STAB2: variants seen among roughly 807,000 people sequenced by gnomAD.
STAB2 encodes the protein stabilin-2.
STAB2 carries 288 observed loss-of-function variants against 338.1 expected under a neutral mutation model. The ratio of observed to expected loss-of-function variants is 0.85; its 90% CI spans 0.77 to 0.94. The LOEUF (loss-of-function observed/expected upper bound fraction) is 0.94. Among genes scored for constraint, STAB2 ranks in the 40% least tolerant of loss-of-function variants. The pLI, the probability that STAB2 is intolerant of heterozygous loss-of-function variation, is 0.00. For missense variants in STAB2, 3,141 were observed against 3,210.1 expected (o/e 0.98, Z 0.52); for synonymous variants, 1,202 against 1,193.3 (o/e 1.01, Z -0.15).
chr12:103,703,020 CTAT>C, intron 34 of STAB2, 125 bp from the exon 35 acceptor site: 1 of 1,089,296 alleles, frequency 9.2e-7, no homozygotes, highest in South Asian at 1.8e-5. Context: ...ATACAAGTGA[CTAT>C]TATATCTCCA....
chr12:103,746,494 T>G, intron 57 of STAB2, 103 bp from the exon 58 acceptor site: 1 of 1,057,854 alleles, frequency 9.5e-7, no homozygotes, highest in Admixed American at 1.7e-5. Flanking sequence ...GGGGCACTTA[T>G]GAACACAGTG....
Position 103,740,777 on chromosome 12 carries a change from C to G in STAB2, c.5881+21C>G, listed in dbSNP as rs751590225. On this transcript the variant is annotated intron_variant, in intron 55 of 68. Transcript: ENST00000388887. The stretch of plus-strand genomic sequence containing the variant: ...TCAGGGTGAGGGTGCCTCTTCCCCC[C>G]TCGCAACTCTAAAAGTGGTAATATG... 8 of 1,553,334 alleles carry G rather than the reference C, an allele frequency of 5.2e-6. No individual in the cohort carries two copies. The Admixed American group carries it at 1.1e-4, about 22-fold the overall frequency.
chr12:103,611,513 C>T (rs1228260821), intron 3 of STAB2, among the ~76,000 whole-genome samples: 2 of 152,064 alleles, frequency 1.3e-5, no homozygotes, highest in Non-Finnish European at 2.9e-5. Context: ...ATTGCAACCC[C>T]TGCCTTTTTT....
chr12:103,702,412 C>G (rs910741337), intron 34 of STAB2, among the ~76,000 whole-genome samples: 1 of 152,022 alleles, frequency 6.6e-6, no homozygotes, highest in African/African-American at 2.4e-5. Flanking sequence ...CGTTCTCCTG[C>G]CTCAGCCTCC....
chr12:103,711,491 A>G lies in STAB2; in HGVS notation c.4309A>G (p.Asn1437Asp). 6.2e-7 allele frequency: 1 copy of G among 1,614,140 alleles called. No individual in the cohort carries two copies. The highest frequency in any genetic ancestry group is 8.5e-7 in the Non-Finnish European group (1 of 1,180,028). ...CDNATTEDNC[N>D]GTCHTSANCL... is the part of the protein sequence containing the mutation. Reference sequence around the variant, plus strand: ...TTCAGCAACCACAGAAGACAACTGCAATGGGACATGCCATACCAGCGCCAA... The same window carrying G: ...TTCAGCAACCACAGAAGACAACTGCGATGGGACATGCCATACCAGCGCCAA... The change falls in exon 40 of 69, where the codon AAT (asparagine) becomes GAT (aspartate). Residue 1437 changes from asparagine (N) to aspartate (D), a missense_variant. Coordinates refer to ENST00000388887, the MANE Select transcript of STAB2 (RefSeq NM_017564.10).
At chr12:103,699,249 C>G in intron 34 of STAB2, 22 bp downstream of exon 34, 1 of 1,578,816 alleles carries the variant, frequency 6.3e-7, no homozygotes, top group Non-Finnish European at 8.6e-7. Flanking sequence ...TTATGTAAAA[C>G]CCCAGCAATG....
intron 56 of STAB2, among the ~76,000 whole-genome samples, chr12:103,743,657 A>G (rs1390318925): frequency 6.6e-6 from 1 of 152,154 alleles, no homozygotes; most frequent in Non-Finnish European, 1.5e-5. Flanking sequence ...GAGCACCCAA[A>G]ACGTGTGGCT....
rs771747879 is a variant in STAB2 at position 103,742,483 on chromosome 12, A to T, written c.5960A>T (p.Lys1987Ile). ...CAGTACTCGGCCACCGGAGAGTGTA[A>T]ATGCAACACCGGCTTCAATGGGACG... ...LDQYSATGECKCNTGFNGTAC... is the reference protein window; with the variant it reads ...LDQYSATGECICNTGFNGTAC... The change falls in exon 56 of 69, where the codon AAA becomes ATA. Residue 1987 changes from lysine (K) to isoleucine (I), a missense_variant. Physicochemically the swap from Lys to Ile is moderately radical, Grantham distance 102 (BLOSUM62 -3). Transcript: ENST00000388887. 1 of 1,614,016 alleles carries T rather than the reference A, an allele frequency of 6.2e-7. No individual in the cohort carries two copies. Among genetic ancestry groups the T allele is most frequent in the Non-Finnish European group, 8.5e-7 (1 of 1,180,024 alleles).
intron 9 of STAB2, among the ~76,000 whole-genome samples, chr12:103,641,483 A>G (rs933457923): frequency 6.6e-6 from 1 of 152,214 alleles, no homozygotes; most frequent in African/African-American, 2.4e-5. Flanking sequence ...GAAATCCTTC[A>G]ATACATGTGA....
At chr12:103,670,001 C>T (rs1875595267) in intron 21 of STAB2, among the ~76,000 whole-genome samples, 1 of 152,172 alleles carries the variant, frequency 6.6e-6, no homozygotes, top group Non-Finnish European at 1.5e-5. Context: ...CTCCTGATTG[C>T]TTTTTTGAAC....
At chr12:103,690,850 C>T (rs369949577) in intron 30 of STAB2, among the ~76,000 whole-genome samples, 5 of 152,056 alleles carry the variant, frequency 3.3e-5, no homozygotes, top group Admixed American at 6.5e-5. Flanking sequence ...TTTCTTTTGA[C>T]GTATAGTTGA....
chr12:103,592,228 C>G (rs1956810088), intron 2 of STAB2: 1 of 151,588 alleles, frequency 6.6e-6, no homozygotes, highest in African/African-American at 2.4e-5. Flanking sequence ...CTTGTAACAC[C>G]TTGATTGCTT....
rs552223933 is a variant in STAB2, at chr12:103,707,360, G to A, written c.4192+373G>A. Among the ~76,000 whole-genome samples the A allele has an allele frequency of 5.9e-5, 9 of 152,320 alleles. No homozygotes were observed. The East Asian group carries it at 1.3e-3, about 23-fold the overall frequency. On this transcript the variant is annotated intron_variant, in intron 38 of 68. Coordinates refer to ENST00000388887, the MANE Select transcript of STAB2 (RefSeq NM_017564.10). ...CATGTTATTCATTTAATCCACACAG[G>A]AACCTTAGGTACATGAGTATTGCTA...
At chr12:103,749,872 A>AAAAAAAAAG (rs58406423) in intron 59 of STAB2, among the ~76,000 whole-genome samples, 2 of 131,480 alleles carry the variant, frequency 1.5e-5, no homozygotes, top group Non-Finnish European at 3.2e-5. Flanking sequence ...AAAAAAAAAA[A>AAAAAAAAAG]GCTGGTAAGA....
intron 57 of STAB2, among the ~76,000 whole-genome samples, chr12:103,746,075 T>C (rs1464050392): frequency 6.6e-6 from 1 of 152,170 alleles, no homozygotes; most frequent in African/African-American, 2.4e-5. Context: ...GCAGTATGGC[T>C]AACTTGAGTT....
At chr12:103,741,136 G>A (rs564142649) in intron 55 of STAB2, among the ~76,000 whole-genome samples, 3 of 152,234 alleles carry the variant, frequency 2.0e-5, no homozygotes, top group Non-Finnish European at 4.4e-5. Context: ...TACTGACACA[G>A]TATGTATGGG....
At chr12:103,702,453 C>A (rs377600408) in intron 34 of STAB2, among the ~76,000 whole-genome samples, 1 of 152,078 alleles carries the variant, frequency 6.6e-6, no homozygotes, top group Admixed American at 6.5e-5. Context: ...CGCCCGCCAC[C>A]GCGCCCGGCT....
At chr12:103,743,281 C>T (rs955041395) in intron 56 of STAB2, among the ~76,000 whole-genome samples, 4 of 152,090 alleles carry the variant, frequency 2.6e-5, no homozygotes, top group African/African-American at 7.2e-5. Flanking sequence ...CTCAGCCTCC[C>T]AACAGTGCTG....
At chr12:103,732,889 C>A in intron 50 of STAB2, 117 bp from the exon 51 acceptor site, 4 of 1,213,124 alleles carry the variant, frequency 3.3e-6, no homozygotes, top group Non-Finnish European at 4.6e-6. Flanking sequence ...CTTGAACCAT[C>A]CAGAGTCCCA....
Sources: gnomAD v4.1 joint callset for allele counts (sites outside exome capture counted in the v4.1 genomes callset) on GRCh38, gnomAD v4.1.1 for gene constraint, MANE v1.5 for transcripts, NCBI Gene and HGNC (gene_info 2026-07-23, HGNC 2026-07-21) for gene names.